Variants in PACSIN2 observed in about 807,000 individuals in gnomAD.
PACSIN2 encodes the protein protein kinase C and casein kinase substrate in neurons 2.
Under a neutral mutation model 63.8 loss-of-function variants are expected in PACSIN2, and 25 were observed. The ratio of observed to expected loss-of-function variants is 0.39; its 90% CI spans 0.29 to 0.55. The LOEUF (loss-of-function observed/expected upper bound fraction) is 0.55, where lower values mean the gene tolerates loss of function less well. Among genes scored for constraint, PACSIN2 ranks in the 20% least tolerant of loss-of-function variants. PACSIN2 has a pLI of 0.62. For synonymous variants in PACSIN2, 255 were observed against 256.2 expected, an observed-to-expected ratio of 1.00 and a Z score of 0.05; for missense variants, 518 against 646.9, an observed-to-expected ratio of 0.80 and a Z score of 2.16.
At chr22:42,966,759 C>CAAG (rs1312843324) in intron 1 of PACSIN2, among the ~76,000 whole-genome samples, 1 of 152,172 alleles carries the variant, frequency 6.6e-6, no homozygotes, top group African/African-American at 2.4e-5. Flanking sequence ...GCCTCATGGT[C>CAAG]CTGGCAACAG....
intron 6 of PACSIN2, among the ~76,000 whole-genome samples, chr22:42,884,014 A>AAAAAAGAAAAG (rs548362401): frequency 1.8e-4 from 28 of 151,978 alleles, no homozygotes; most frequent in African/African-American, 6.1e-4. Flanking sequence ...TCAAAAAAAA[A>AAAAAAGAAAAG]AAAAGAAAAG....
At chr22:43,006,750 G>A (rs1298703451) in intron 1 of PACSIN2, among the ~76,000 whole-genome samples, 1 of 152,214 alleles carries the variant, frequency 6.6e-6, no homozygotes, top group African/African-American at 2.4e-5. Context: ...GGGAGGTGGA[G>A]GGTGCAGTGA....
chr22:43,003,547 G>A (rs973914901), intron 1 of PACSIN2, among the ~76,000 whole-genome samples: 1 of 152,198 alleles, frequency 6.6e-6, no homozygotes. Flanking sequence ...AGCTTGCAGT[G>A]AGCCGAGATC....
chr22:42,909,548 C>A, intron 2 of PACSIN2: 1 of 471,178 alleles, frequency 2.1e-6, no homozygotes, highest in South Asian at 1.5e-5. Context: ...GACCACAGCA[C>A]TGCGGAGTTG....
At chr22:42,920,027 G>C (rs1932082535) in intron 1 of PACSIN2, among the ~76,000 whole-genome samples, 1 of 151,964 alleles carries the variant, frequency 6.6e-6, no homozygotes, top group Non-Finnish European at 1.5e-5. Flanking sequence ...AGGATCACTT[G>C]AGCCCAGGAG....
chr22:42,885,035 A>G (rs1011898041), intron 5 of PACSIN2, among the ~76,000 whole-genome samples: 2 of 152,204 alleles, frequency 1.3e-5, no homozygotes, highest in African/African-American at 4.8e-5. Flanking sequence ...GGGTGCAGGA[A>G]GAAGGCATTC....
chr22:42,913,617 T>C lies in PACSIN2; in HGVS notation c.-77-1460A>G, dbSNP rs140247706. On this transcript the variant is annotated intron_variant, in intron 1 of 10. Transcript: ENST00000263246. The stretch of plus-strand genomic sequence containing the variant: ...GCTACGAACTTACTAAGTACTGTTA[T>C]ACACCCTTAGTAAGTGCTACGAACA... Among the ~76,000 whole-genome samples the C allele has an allele frequency of 4.4e-3, 675 of 152,184 alleles. 2 individuals carry two copies. Among genetic ancestry groups the C allele is most frequent in the East Asian group, 0.017 (87 of 5,176 alleles).
intron 1 of PACSIN2, among the ~76,000 whole-genome samples, chr22:43,011,617 C>T (rs1159883294): frequency 6.6e-6 from 1 of 152,216 alleles, no homozygotes; most frequent in African/African-American, 2.4e-5. Flanking sequence ...AGAGAAGAAA[C>T]AAAAGGCAAG....
chr22:42,974,696 T>C (rs1328612803), intron 1 of PACSIN2, among the ~76,000 whole-genome samples: 4 of 146,250 alleles, frequency 2.7e-5, no homozygotes, highest in Non-Finnish European at 1.5e-5. Flanking sequence ...TTGCAGTGAG[T>C]TGAGATTGTG....
intron 1 of PACSIN2, chr22:42,959,710 C>T (rs1380227675): frequency 6.6e-6 from 1 of 152,198 alleles, no homozygotes; most frequent in Non-Finnish European, 1.5e-5. Context: ...AAATCAGTCA[C>T]TCAGTGAGAA....
intron 1 of PACSIN2, among the ~76,000 whole-genome samples, chr22:42,936,441 C>G (rs1932921437): frequency 6.6e-6 from 1 of 152,172 alleles, no homozygotes; most frequent in Non-Finnish European, 1.5e-5. Context: ...ACCTTCAGTT[C>G]CCTTGTTCAT....
chr22:42,967,182 A>T lies in PACSIN2; in HGVS notation c.-78+47839T>A, dbSNP rs149534832. Reference sequence around the variant, plus strand: ...CAGGAAGAGATGTGAGAAGATGCCCAGGAAGGCTGGACTCTGAGCTGAATC... The same window carrying T: ...CAGGAAGAGATGTGAGAAGATGCCCTGGAAGGCTGGACTCTGAGCTGAATC... On this transcript the variant is annotated intron_variant, in intron 1 of 10. Coordinates refer to ENST00000263246, the MANE Select transcript of PACSIN2 (RefSeq NM_001184970.3). Among the ~76,000 whole-genome samples the T allele has an allele frequency of 4.8e-4, 73 of 152,206 alleles. 1 individual carries two copies. In the East Asian group the frequency reaches 0.011, roughly 23 times the overall value.
intron 1 of PACSIN2, among the ~76,000 whole-genome samples, chr22:43,013,200 G>C (rs5759092): frequency 7.9e-5 from 12 of 152,216 alleles, no homozygotes; most frequent in Admixed American, 5.9e-4. Flanking sequence ...CCATTCAAAT[G>C]AGTTGTTATT....
At chr22:42,952,512 C>G (rs1169391750) in intron 1 of PACSIN2, among the ~76,000 whole-genome samples, 1 of 151,782 alleles carries the variant, frequency 6.6e-6, no homozygotes, top group Non-Finnish European at 1.5e-5. Flanking sequence ...GCGCGCACCA[C>G]CACGCCTGGC....
At chr22:42,900,826 C>T (rs1391573566) in intron 2 of PACSIN2, among the ~76,000 whole-genome samples, 3 of 152,188 alleles carry the variant, frequency 2.0e-5, no homozygotes, top group Non-Finnish European at 4.4e-5. Flanking sequence ...GATGCAGTCA[C>T]TCATGGTCAT....
chr22:42,955,045 T>C (rs564454261), intron 1 of PACSIN2, among the ~76,000 whole-genome samples: 3 of 152,290 alleles, frequency 2.0e-5, no homozygotes, highest in African/African-American at 7.2e-5. Flanking sequence ...CCACTCCCTC[T>C]AAAACTCATC....
intron 1 of PACSIN2, among the ~76,000 whole-genome samples, chr22:42,958,145 G>A (rs1398793983): frequency 6.6e-6 from 1 of 151,662 alleles, no homozygotes; most frequent in Admixed American, 6.6e-5. Flanking sequence ...ATAATAATGC[G>A]AAGAAAGCAG....
At chr22:42,875,885 T>G (rs578231579) in intron 10 of PACSIN2, among the ~76,000 whole-genome samples, 1 of 151,924 alleles carries the variant, frequency 6.6e-6, no homozygotes, top group South Asian at 2.1e-4. Flanking sequence ...TTTGCCCAGG[T>G]TGGTCTCATA....
intron 1 of PACSIN2, among the ~76,000 whole-genome samples, chr22:42,924,683 C>T (rs1316527865): frequency 6.6e-6 from 1 of 152,156 alleles, no homozygotes; most frequent in Non-Finnish European, 1.5e-5. Flanking sequence ...AGTGAATGTG[C>T]TCGTCTCCTC....
Sources: gnomAD v4.1 joint callset for allele counts (sites outside exome capture counted in the v4.1 genomes callset) on GRCh38, gnomAD v4.1.1 for gene constraint, MANE v1.5 for transcripts, NCBI Gene and HGNC (gene_info 2026-07-23, HGNC 2026-07-21) for gene names.